PIGU: variants seen among roughly 807,000 people sequenced by gnomAD.
PIGU encodes phosphatidylinositol glycan anchor biosynthesis class U.
A neutral mutation model predicts 49.9 loss-of-function variants in PIGU; 24 were observed. The observed-to-expected ratio is 0.48, with a 90% CI of 0.35 to 0.68. The LOEUF is 0.68. Among genes scored for constraint, PIGU ranks in the 30% least tolerant of loss-of-function variants. The probability of loss-of-function intolerance (pLI) is 0.01; values close to 1 mark genes in which losing one functional copy is unlikely to be tolerated. For synonymous variants in PIGU, 220 were observed against 205.7 expected (o/e 1.07, Z -0.59); for missense variants, 490 against 532.6 (o/e 0.92, Z 0.79).
chr20:34,594,903 T>G (rs1984132914), intron 7 of PIGU, among the ~76,000 whole-genome samples: 1 of 151,166 alleles, frequency 6.6e-6, no homozygotes, highest in Non-Finnish European at 1.5e-5. Context: ...CCATCCTGGC[T>G]AACACGGTGA....
intron 1 of PIGU, among the ~76,000 whole-genome samples, chr20:34,667,492 T>C (rs1368921517): frequency 1.3e-5 from 2 of 149,058 alleles, no homozygotes; most frequent in Non-Finnish European, 3.0e-5. Context: ...AAAAGTGAGA[T>C]AGAGGTATGG....
intron 1 of PIGU, among the ~76,000 whole-genome samples, chr20:34,667,090 C>G (rs1466133995): frequency 2.0e-5 from 3 of 152,156 alleles, no homozygotes. Flanking sequence ...GATCTACCCA[C>G]CCTGGCCTCC....
Position 34,665,811 on chromosome 20 carries a change from A to C in PIGU, c.131-8567T>G, listed in dbSNP as rs577519198. Among the ~76,000 whole-genome samples, 54 of 152,292 alleles carry C rather than the reference A, an allele frequency of 3.5e-4. No individual in the cohort carries two copies. In the South Asian group the frequency reaches 0.011, roughly 32 times the overall value. ...TGTACATCTAAGGCACATAAAACAT[A>C]CTGGTACAAGAGTACCAACATCCTC... is the stretch of plus-strand genomic sequence containing the variant. On this transcript the variant is annotated intron_variant, in intron 1 of 11. Transcript: ENST00000217446.
rs193040141 is a variant in PIGU at position 34,657,583 on chromosome 20, T to C, written c.131-339A>G. On this transcript the variant is annotated intron_variant, in intron 1 of 11. Transcript: ENST00000217446. ...CACAATAAGATAACAAATTAGAAGC[T>C]GGTGAGAAATGTTGCCATAGTGTGA... Among the ~76,000 whole-genome samples the C allele has an allele frequency of 2.8e-3, 424 of 152,300 alleles. 6 individuals carry two copies. The highest frequency in any genetic ancestry group is 1.1e-3 in the Non-Finnish European group (73 of 68,038).
intron 1 of PIGU, among the ~76,000 whole-genome samples, chr20:34,663,846 G>T (rs1986998700): frequency 6.6e-6 from 1 of 152,162 alleles, no homozygotes; most frequent in Non-Finnish European, 1.5e-5. Context: ...CAGTAAAAAA[G>T]CAACTCTACA....
chr20:34,604,402 C>T (rs936412796), intron 7 of PIGU, among the ~76,000 whole-genome samples: 4 of 152,112 alleles, frequency 2.6e-5, no homozygotes, highest in Non-Finnish European at 4.4e-5. Context: ...AGGGAGTTAA[C>T]CTAACAATGT....
At chr20:34,587,438 A>C (rs189357483) in intron 8 of PIGU, among the ~76,000 whole-genome samples, 3 of 152,346 alleles carry the variant, frequency 2.0e-5, no homozygotes, top group Admixed American at 1.3e-4. Context: ...ATGTAGAATA[A>C]TTAAATCTAG....
chr20:34,669,774 C>G (rs1167572782), intron 1 of PIGU, among the ~76,000 whole-genome samples: 1 of 151,792 alleles, frequency 6.6e-6, no homozygotes, highest in African/African-American at 2.4e-5. Context: ...TAAATTGTAT[C>G]ATGATATATA....
intron 4 of PIGU, among the ~76,000 whole-genome samples, chr20:34,640,746 G>T (rs938865886): frequency 6.6e-6 from 1 of 152,188 alleles, no homozygotes; most frequent in East Asian, 1.9e-4. Context: ...TTTTCCATAT[G>T]TAAGTTATAT....
chr20:34,650,759 T>C (rs573005293), intron 2 of PIGU, among the ~76,000 whole-genome samples: 1 of 125,000 alleles, frequency 8.0e-6, no homozygotes, highest in South Asian at 2.7e-4. Context: ...TGTCATCCAG[T>C]CGGGAATGCG....
intron 8 of PIGU, among the ~76,000 whole-genome samples, chr20:34,587,132 C>A (rs75113751): frequency 1.3e-5 from 2 of 152,168 alleles, no homozygotes; most frequent in African/African-American, 4.8e-5. Flanking sequence ...CACCTGGAAA[C>A]CGGAGAAATG....
At chr20:34,641,393 T>C (rs1430885624) in intron 4 of PIGU, among the ~76,000 whole-genome samples, 2 of 152,234 alleles carry the variant, frequency 1.3e-5, no homozygotes, top group South Asian at 2.1e-4. Flanking sequence ...CCTCTAATCA[T>C]ATTAAGGGGA....
chr20:34,584,545 C>G (rs1387531761), intron 9 of PIGU, among the ~76,000 whole-genome samples: 1 of 147,240 alleles, frequency 6.8e-6, no homozygotes, highest in Non-Finnish European at 1.5e-5. Flanking sequence ...TGCACTTCCG[C>G]CTGTCATCCA....
At chr20:34,580,866 A>G (rs1022484717) in intron 10 of PIGU, among the ~76,000 whole-genome samples, 2 of 152,162 alleles carry the variant, frequency 1.3e-5, no homozygotes, top group Admixed American at 6.5e-5. Flanking sequence ...CCACCTCTGA[A>G]GAGGGGATGG....
intron 7 of PIGU, among the ~76,000 whole-genome samples, chr20:34,600,267 C>T (rs1480677237): frequency 1.3e-5 from 2 of 151,918 alleles, no homozygotes; most frequent in African/African-American, 2.4e-5. Context: ...ATTAGCTGGA[C>T]TTGGTGGTGG....
chr20:34,676,919 G>A (rs1293213471), intron 1 of PIGU, 37 bp downstream of exon 1: 3 of 1,555,958 alleles, frequency 1.9e-6, no homozygotes, highest in South Asian at 2.4e-5. Flanking sequence ...GGGAGGGCAG[G>A]TGGGGCCTGA....
intron 11 of PIGU, among the ~76,000 whole-genome samples, chr20:34,568,067 T>A (rs1009009321): frequency 6.6e-6 from 1 of 152,152 alleles, no homozygotes; most frequent in Non-Finnish European, 1.5e-5. Flanking sequence ...GCAGAGTGCC[T>A]GGTGAATAGT....
intron 6 of PIGU, among the ~76,000 whole-genome samples, chr20:34,617,114 G>A (rs1373307184): frequency 1.3e-5 from 2 of 152,194 alleles, no homozygotes; most frequent in Admixed American, 1.3e-4. Context: ...TGCAGTAGGG[G>A]GCGGAGCCCT....
chr20:34,668,292 G>A (rs910749409), intron 1 of PIGU, among the ~76,000 whole-genome samples: 33 of 151,736 alleles, frequency 2.2e-4, no homozygotes, highest in African/African-American at 7.7e-4. Context: ...GTGAAACCCC[G>A]TATCCACTAA....
Sources: allele counts gnomAD v4.1 joint callset (sites outside exome capture counted in the v4.1 genomes callset), GRCh38; gene constraint gnomAD v4.1.1; transcripts MANE v1.5; gene names NCBI Gene and HGNC (gene_info 2026-07-23, HGNC 2026-07-21).